Variants in IL1RAPL1 observed in about 807,000 individuals in gnomAD.
IL1RAPL1 encodes interleukin 1 receptor accessory protein like 1, also known as interleukin-1 receptor accessory protein-like 1.
A neutral mutation model predicts 48.4 loss-of-function variants in IL1RAPL1; 3 were observed. The observed-to-expected ratio is 0.06, with a 90% confidence interval of 0.03 to 0.16. IL1RAPL1 has a LOEUF of 0.16. Among genes scored for constraint, IL1RAPL1 ranks in the 10% least tolerant of loss-of-function variants. The pLI, the probability that IL1RAPL1 is intolerant of heterozygous loss-of-function variation, is 1.00. For synonymous variants in IL1RAPL1, 185 were observed against 187.7 expected, an observed-to-expected ratio of 0.99 and a Z score of 0.12; for missense variants, 349 against 530.6, an observed-to-expected ratio of 0.66 and a Z score of 3.36.
chrX:29,158,944 CTCCCTCTCCCTCT>C (rs1929626767), intron 2 of IL1RAPL1, among the ~76,000 whole-genome samples: 1 of 61,079 alleles, frequency 1.6e-5, no homozygotes, highest in African/African-American at 6.9e-5. Context: ...CCCCCCCTCC[CTCCCTCTCCCTCT>C]CTCTCTCTCT....
At chrX:28,873,273 G>T (rs1337210275) in intron 2 of IL1RAPL1, among the ~76,000 whole-genome samples, 1 of 107,510 alleles carries the variant, frequency 9.3e-6, no homozygotes, top group African/African-American at 3.4e-5. Flanking sequence ...ACCATGCCTA[G>T]CTGATATTTG....
At chrX:29,763,053 T>G (rs1312866893) in intron 6 of IL1RAPL1, among the ~76,000 whole-genome samples, 1 of 109,698 alleles carries the variant, frequency 9.1e-6, no homozygotes, top group Non-Finnish European at 1.9e-5. Context: ...GTTTTTTGTT[T>G]TTTTTTTTTT....
At chrX:29,488,387 G>C (rs985466031) in intron 5 of IL1RAPL1, among the ~76,000 whole-genome samples, 1 of 112,213 alleles carries the variant, frequency 8.9e-6, no homozygotes, top group African/African-American at 3.2e-5. Context: ...GCAGTGAGCT[G>C]AGATCATGCT....
chrX:29,104,491 G>T (rs751738596), intron 2 of IL1RAPL1, among the ~76,000 whole-genome samples: 2 of 110,537 alleles, frequency 1.8e-5, no homozygotes, highest in African/African-American at 6.6e-5. Context: ...AAATTGGGAG[G>T]GGGAGTGGGA....
chrX:28,968,638 T>C (rs1924979438), intron 2 of IL1RAPL1, among the ~76,000 whole-genome samples: 1 of 112,687 alleles, frequency 8.9e-6, no homozygotes, highest in African/African-American at 3.2e-5. Context: ...AAGCATTGTG[T>C]AGAAGGAAAA....
chrX:28,733,794 T>A (rs1219081103), intron 1 of IL1RAPL1, among the ~76,000 whole-genome samples: 1 of 111,672 alleles, frequency 9.0e-6, no homozygotes, highest in African/African-American at 3.3e-5. Flanking sequence ...CTAATTTATT[T>A]TCTGTTTCCA....
intron 1 of IL1RAPL1, among the ~76,000 whole-genome samples, chrX:28,589,906 C>T: frequency 9.0e-6 from 1 of 111,689 alleles, no homozygotes; most frequent in South Asian, 3.8e-4. Context: ...AATTAAATGG[C>T]ACTGGATTCA....
intron 2 of IL1RAPL1, among the ~76,000 whole-genome samples, chrX:29,240,195 CAT>C (rs1224933369): frequency 0.039 from 1,071 of 27,172 alleles, 45 homozygotes; most frequent in Admixed American, 0.045. Flanking sequence ...CACACACACA[CAT>C]ATATATATAT....
chrX:29,202,996 C>T (rs1930586457), intron 2 of IL1RAPL1, among the ~76,000 whole-genome samples: 1 of 110,942 alleles, frequency 9.0e-6, no homozygotes, highest in Non-Finnish European at 1.9e-5. Context: ...CACATCCACC[C>T]CTGAAGCTAG....
At chrX:29,568,569 G>A (rs1409548502) in intron 5 of IL1RAPL1, among the ~76,000 whole-genome samples, 2 of 110,871 alleles carry the variant, frequency 1.8e-5, no homozygotes, top group African/African-American at 3.3e-5. Flanking sequence ...GTGATTTTCT[G>A]AGAAAATTTT....
At chrX:29,783,170 C>CT (rs1418317339) in intron 6 of IL1RAPL1, among the ~76,000 whole-genome samples, 1 of 110,341 alleles carries the variant, frequency 9.1e-6, no homozygotes, top group Non-Finnish European at 1.9e-5. Context: ...TCCCAAAGTG[C>CT]TGGGATTACA....
chrX:28,818,923 A>C (rs1936899618), intron 2 of IL1RAPL1, among the ~76,000 whole-genome samples: 1 of 110,889 alleles, frequency 9.0e-6, no homozygotes, highest in Non-Finnish European at 1.9e-5. Flanking sequence ...GGAAGCATGT[A>C]CATAGTTCCT....
intron 6 of IL1RAPL1, among the ~76,000 whole-genome samples, chrX:29,722,500 C>T (rs1415258935): frequency 1.8e-5 from 2 of 111,893 alleles, no homozygotes; most frequent in Admixed American, 9.5e-5. Context: ...ATGAGTAACA[C>T]ATTTTTAACC....
intron 6 of IL1RAPL1, among the ~76,000 whole-genome samples, chrX:29,861,534 G>C (rs766719284): frequency 1.9e-4 from 21 of 110,866 alleles, no homozygotes; most frequent in Non-Finnish European, 3.6e-4. Context: ...ATCCTGGTAA[G>C]ACTGGTAGAA....
intron 5 of IL1RAPL1, among the ~76,000 whole-genome samples, chrX:29,628,967 AT>A (rs1324614693): frequency 1.8e-5 from 2 of 112,125 alleles, no homozygotes; most frequent in African/African-American, 6.5e-5. Flanking sequence ...AATAGCTCTG[AT>A]TTCAACTTAT....
chrX:29,067,406 T>G (rs1324342242), intron 2 of IL1RAPL1, among the ~76,000 whole-genome samples: 1 of 112,449 alleles, frequency 8.9e-6, no homozygotes, highest in Non-Finnish European at 1.9e-5. Context: ...CAATCATCTT[T>G]GGATGCGGAA....
chrX:29,355,669 G>A (rs1045374330), intron 3 of IL1RAPL1, among the ~76,000 whole-genome samples: 67 of 111,839 alleles, frequency 6.0e-4, no homozygotes, highest in African/African-American at 2.1e-3. Flanking sequence ...ATTGATTTAG[G>A]TGAGGAAGTA....
At chrX:28,698,566 G>A (rs1416566395) in intron 1 of IL1RAPL1, among the ~76,000 whole-genome samples, 2 of 111,089 alleles carry the variant, frequency 1.8e-5, no homozygotes, top group African/African-American at 6.5e-5. Context: ...AAAAATCTGT[G>A]AAAACTTTCT....
chrX:28,789,882 G>T (rs1936516058), intron 2 of IL1RAPL1, among the ~76,000 whole-genome samples: 1 of 111,772 alleles, frequency 8.9e-6, no homozygotes, highest in Non-Finnish European at 1.9e-5. Context: ...AAATACTAGT[G>T]TTATTGAAGA....
Sources: gnomAD v4.1 joint callset for allele counts (sites outside exome capture counted in the v4.1 genomes callset) on GRCh38, gnomAD v4.1.1 for gene constraint, MANE v1.5 for transcripts, NCBI Gene and HGNC (gene_info 2026-07-23, HGNC 2026-07-21) for gene names.